Variants in PTPRD observed in about 807,000 individuals in gnomAD.
PTPRD encodes the protein receptor-type tyrosine-protein phosphatase delta.
In PTPRD, 34 loss-of-function variants were observed where a neutral mutation model predicts 214.5. The observed-to-expected ratio is 0.16, with a 90% CI of 0.12 to 0.21. The LOEUF (loss-of-function observed/expected upper bound fraction) is 0.21, where lower values mean the gene tolerates loss of function less well. Ranked by LOEUF, PTPRD falls within the 10% of genes least tolerant of loss-of-function variation. The pLI is 1.00. For missense variants in PTPRD, 2,545 were observed against 2,398.7 expected (o/e 1.06, Z -1.27); for synonymous variants, 1,128 against 845.7 (o/e 1.33, Z -5.79).
At chr9:9,718,789 GC>G (rs2097880820) in intron 7 of PTPRD, among the ~76,000 whole-genome samples, 1 of 152,202 alleles carries the variant, frequency 6.6e-6, no homozygotes, top group Non-Finnish European at 1.5e-5. Flanking sequence ...TGCTTCTGAG[GC>G]TAAAACTTTG....
At chr9:9,644,858 CT>C (rs1410548878) in intron 7 of PTPRD, among the ~76,000 whole-genome samples, 1 of 152,164 alleles carries the variant, frequency 6.6e-6, no homozygotes, top group Non-Finnish European at 1.5e-5. Context: ...TCTTTTCCCA[CT>C]TCACCCCCTT....
At chr9:10,001,506 A>G (rs1026420825) in intron 4 of PTPRD, among the ~76,000 whole-genome samples, 73 of 152,192 alleles carry the variant, frequency 4.8e-4, no homozygotes, top group African/African-American at 1.8e-3. Context: ...AAAAGCAGAA[A>G]GATAAGGAAC....
At chr9:9,765,944 G>A (rs575943289) in intron 6 of PTPRD, among the ~76,000 whole-genome samples, 28 of 152,290 alleles carry the variant, frequency 1.8e-4, no homozygotes, top group Non-Finnish European at 2.6e-4. Context: ...TTACAGGCGT[G>A]AGCCACCGCG....
intron 9 of PTPRD, among the ~76,000 whole-genome samples, chr9:9,397,131 T>C (rs2068180763): frequency 6.6e-6 from 1 of 152,026 alleles, no homozygotes; most frequent in Non-Finnish European, 1.5e-5. Flanking sequence ...CTAAAAACTA[T>C]AAAGTATTTC....
chr9:10,264,279 C>G (rs2093902442), intron 3 of PTPRD, among the ~76,000 whole-genome samples: 1 of 152,110 alleles, frequency 6.6e-6, no homozygotes, highest in African/African-American at 2.4e-5. Context: ...AATTGTAGAT[C>G]CATTGACAGC....
At chr9:9,277,553 C>A (rs554922878) in intron 9 of PTPRD, among the ~76,000 whole-genome samples, 1 of 151,342 alleles carries the variant, frequency 6.6e-6, no homozygotes, top group South Asian at 2.1e-4. Flanking sequence ...GGATCTCTTA[C>A]CCAAATATTA....
chr9:9,373,121 G>C (rs1418073220), intron 9 of PTPRD, among the ~76,000 whole-genome samples: 20 of 151,884 alleles, frequency 1.3e-4, no homozygotes, highest in Non-Finnish European at 2.4e-4. Flanking sequence ...TGTATTTTTG[G>C]AACTAATAGT....
chr9:9,775,633 A>G (rs1477726578), intron 5 of PTPRD, among the ~76,000 whole-genome samples: 3 of 152,050 alleles, frequency 2.0e-5, no homozygotes, highest in Non-Finnish European at 4.4e-5. Context: ...TCATTCTATT[A>G]TAGGGAGATT....
intron 43 of PTPRD, among the ~76,000 whole-genome samples, chr9:8,337,112 G>A (rs997387083): frequency 3.2e-4 from 49 of 152,174 alleles, no homozygotes; most frequent in African/African-American, 1.1e-3. Flanking sequence ...ATACCCAAAG[G>A]ATTATAAATC....
At chr9:9,569,962 C>G (rs2085841809) in intron 8 of PTPRD, among the ~76,000 whole-genome samples, 1 of 151,358 alleles carries the variant, frequency 6.6e-6, no homozygotes, top group South Asian at 2.1e-4. Context: ...TATCACTGAA[C>G]TAGTTTTTCA....
At chr9:9,390,294 T>C (rs956219003) in intron 9 of PTPRD, among the ~76,000 whole-genome samples, 3 of 152,148 alleles carry the variant, frequency 2.0e-5, no homozygotes, top group African/African-American at 7.2e-5. Flanking sequence ...CTGAGTAAGA[T>C]TAAGGATCCA....
intron 10 of PTPRD, among the ~76,000 whole-genome samples, chr9:9,071,742 G>C (rs80016220): frequency 0.019 from 2,879 of 152,266 alleles, 39 homozygotes; most frequent in Middle Eastern, 0.058. Context: ...AGATCTCAAA[G>C]AGAGGGCCCA....
At chr9:10,350,992 C>T (rs1450928649) in intron 2 of PTPRD, among the ~76,000 whole-genome samples, 1 of 151,982 alleles carries the variant, frequency 6.6e-6, no homozygotes, top group Non-Finnish European at 1.5e-5. Flanking sequence ...GGGTATAATA[C>T]TGAAGAAAGG....
intron 11 of PTPRD, among the ~76,000 whole-genome samples, chr9:8,819,173 C>G (rs2096987319): frequency 6.6e-6 from 1 of 152,106 alleles, no homozygotes; most frequent in Non-Finnish European, 1.5e-5. Context: ...AGCACTTACT[C>G]TGTGTCTTGA....
At chr9:9,600,757 T>G (rs1476540588) in intron 7 of PTPRD, among the ~76,000 whole-genome samples, 3 of 152,132 alleles carry the variant, frequency 2.0e-5, no homozygotes, top group Admixed American at 2.0e-4. Context: ...CCTTCCGATT[T>G]TATTCACTGG....
At chr9:10,002,028 G>A (rs1240575647) in intron 4 of PTPRD, among the ~76,000 whole-genome samples, 1 of 151,882 alleles carries the variant, frequency 6.6e-6, no homozygotes, top group East Asian at 1.9e-4. Context: ...ATACAAAAGG[G>A]AAGCTAAAGA....
intron 11 of PTPRD, among the ~76,000 whole-genome samples, chr9:8,826,632 C>CT (rs33934836): frequency 0.073 from 10,611 of 145,278 alleles, 499 homozygotes; most frequent in Non-Finnish European, 0.1. Context: ...CAGGCACCAT[C>CT]TTTTTTTTTT....
intron 3 of PTPRD, among the ~76,000 whole-genome samples, chr9:10,211,108 T>G (rs2099515101): frequency 6.6e-6 from 1 of 151,808 alleles, no homozygotes; most frequent in Admixed American, 6.6e-5. Context: ...AGGGGGAGAT[T>G]GGTAAAAATA....
chr9:9,483,867 T>C lies in PTPRD; in HGVS notation c.-236-86385A>G, dbSNP rs2095518801. 3.9e-5 allele frequency among the ~76,000 whole-genome samples: 6 copies of C among 151,922 alleles called. No individual in the cohort carries two copies. The South Asian group carries it at 1.2e-3, about 32-fold the overall frequency. On this transcript the variant is annotated intron_variant, in intron 8 of 45. Transcript: ENST00000381196. ...CCTGCCTACTTCTCTGAAGTTAAAA[T>C]TTTGAAAATCAACAAAACAGCAATA...
Sources: gnomAD v4.1 joint callset for allele counts (sites outside exome capture counted in the v4.1 genomes callset) on GRCh38, gnomAD v4.1.1 for gene constraint, MANE v1.5 for transcripts, NCBI Gene and HGNC (gene_info 2026-07-23, HGNC 2026-07-21) for gene names.